BFSP1: variants seen among roughly 807,000 people sequenced by gnomAD.
BFSP1 encodes the protein beaded filament structural protein 1, also known as filensin.
BFSP1 carries 38 observed loss-of-function variants against 43.9 expected under a neutral mutation model. The observed-to-expected ratio is 0.87, with a 90% CI of 0.67 to 1.14. The LOEUF (loss-of-function observed/expected upper bound fraction) is 1.14, where lower values mean the gene tolerates loss of function less well. Ranked by LOEUF, BFSP1 falls within the 50% of genes most tolerant of loss-of-function variation. BFSP1 has a pLI of 0.00. For missense variants in BFSP1, 850 were observed against 875.1 expected, an observed-to-expected ratio of 0.97 and a Z score of 0.36; for synonymous variants, 352 against 354.8, an observed-to-expected ratio of 0.99 and a Z score of 0.09.
chr20:17,545,161 A>G (rs1226076996), intron 1 of BFSP1, among the ~76,000 whole-genome samples: 1 of 152,222 alleles, frequency 6.6e-6, no homozygotes, highest in African/African-American at 2.4e-5. Context: ...GCACAAGAGA[A>G]AAAGAGAATT....
chr20:17,509,119 AC>A (rs2034014709), intron 4 of BFSP1, 123 bp from the exon 5 acceptor site: 1 of 641,304 alleles, frequency 1.6e-6, no homozygotes, highest in East Asian at 3.3e-5. Flanking sequence ...TGAAGCCCTA[AC>A]TAACTCCCAA....
Position 17,498,916 on chromosome 20 carries a change from T to C in BFSP1, c.860A>G (p.Lys287Arg), listed in dbSNP as rs779506612. ...EIEETERVLE[K>R]SSYDCRQLAV... Reference sequence around the variant, plus strand: ...CAGCTGCCGGCAGTCGTAAGAAGACTTCTCCAGGACCCGCTCTGTCTCCTC... The same window carrying C: ...CAGCTGCCGGCAGTCGTAAGAAGACCTCTCCAGGACCCGCTCTGTCTCCTC... Residue 287 changes from lysine (K) to arginine (R), a missense_variant, in exon 6 of 8, where the codon AAG (lysine) becomes AGG (arginine). By Grantham distance (26) the Lys-to-Arg change is conservative. Coordinates refer to ENST00000377873, the MANE Select transcript of BFSP1 (RefSeq NM_001195.5). 133 of 1,614,060 alleles carry C rather than the reference T, an allele frequency of 8.2e-5. No individual in the cohort carries two copies. The highest frequency in any genetic ancestry group is 1.1e-4 in the Non-Finnish European group (129 of 1,180,040).
upstream of BFSP1, among the ~76,000 whole-genome samples, chr20:17,535,049 T>A (rs1172914698): frequency 6.6e-6 from 1 of 151,970 alleles, no homozygotes; most frequent in Non-Finnish European, 1.5e-5. Context: ...ATAAATGCAA[T>A]ATGGATCCTA....
chr20:17,560,852 A>G (rs2035060969), upstream of BFSP1: 1 of 152,096 alleles, frequency 6.6e-6, no homozygotes, highest in South Asian at 2.1e-4. Context: ...CAACCAGCCC[A>G]TTGCTGTCTG....
chr20:17,568,015 T>G (rs1448761822), intron 1 of BFSP1, among the ~76,000 whole-genome samples: 3 of 150,532 alleles, frequency 2.0e-5, no homozygotes, highest in Non-Finnish European at 4.4e-5. Context: ...AGTCTTCAGA[T>G]GCGAAGGGTG....
intron 1 of BFSP1, among the ~76,000 whole-genome samples, chr20:17,553,814 C>CATATATATATAT (rs1356594180): frequency 1.0e-5 from 1 of 100,076 alleles, no homozygotes; most frequent in African/African-American, 5.9e-5. Flanking sequence ...CACACACACA[C>CATATATATATAT]ACACACACAC....
At chr20:17,498,690 G>C in intron 6 of BFSP1, 130 bp downstream of exon 6, 1 of 1,071,186 alleles carries the variant, frequency 9.3e-7, no homozygotes, top group Non-Finnish European at 1.3e-6. Context: ...ACACCCATGG[G>C]GTCAGGAATT....
At chr20:17,568,813 A>G (rs540910720) in intron 1 of BFSP1, among the ~76,000 whole-genome samples, 8 of 150,612 alleles carry the variant, frequency 5.3e-5, no homozygotes, top group Non-Finnish European at 1.0e-4. Context: ...GGAAAAAAAA[A>G]TACTGACCAT....
upstream of BFSP1, among the ~76,000 whole-genome samples, chr20:17,535,350 GA>G (rs2034609344): frequency 6.6e-6 from 1 of 152,146 alleles, no homozygotes; most frequent in Non-Finnish European, 1.5e-5. Context: ...CCAACATGGT[GA>G]AACCCCATCT....
intron 5 of BFSP1, among the ~76,000 whole-genome samples, chr20:17,502,000 A>G (rs2033815319): frequency 1.3e-5 from 2 of 152,192 alleles, no homozygotes; most frequent in African/African-American, 4.8e-5. Context: ...TGGAGAGGAA[A>G]AGAAATGAAG....
At chr20:17,527,466 G>A (rs973790079) in intron 1 of BFSP1, among the ~76,000 whole-genome samples, 6 of 152,144 alleles carry the variant, frequency 3.9e-5, no homozygotes. Flanking sequence ...GGTGGCTCAC[G>A]CCTGTAATCC....
chr20:17,495,395 C>T lies in BFSP1; in HGVS notation c.1043-366G>A, dbSNP rs114244890. On this transcript the variant is annotated intron_variant, in intron 7 of 7. Transcript: ENST00000377873. Reference sequence around the variant, plus strand: ...AGCCCCTGTTCCCACTGCAGCCCCACTGAGCTCACAGCAGACACTTGGATC... The same window carrying T: ...AGCCCCTGTTCCCACTGCAGCCCCATTGAGCTCACAGCAGACACTTGGATC... Among the ~76,000 whole-genome samples, 537 of 152,360 alleles carry T rather than the reference C, an allele frequency of 3.5e-3. 5 individuals are homozygous for T. Among genetic ancestry groups the T allele is most frequent in the African/African-American group, 0.012 (510 of 41,588 alleles).
chr20:17,537,038 C>G (rs2034638280), intron 1 of BFSP1, among the ~76,000 whole-genome samples: 1 of 152,170 alleles, frequency 6.6e-6, no homozygotes, highest in African/African-American at 2.4e-5. Flanking sequence ...GAAGCCCTAG[C>G]AAACGAATAC....
upstream of BFSP1, among the ~76,000 whole-genome samples, chr20:17,559,241 A>G (rs909401958): frequency 6.6e-6 from 1 of 152,152 alleles, no homozygotes; most frequent in Non-Finnish European, 1.5e-5. Context: ...TTAAAAAACA[A>G]CAACAACAAC....
At chr20:17,534,447 C>G (rs1253753728), upstream of BFSP1, among the ~76,000 whole-genome samples, 1 of 152,176 alleles carries the variant, frequency 6.6e-6, no homozygotes, top group African/African-American at 2.4e-5. Flanking sequence ...CACATTTACA[C>G]CCACTATCTC....
At chr20:17,559,571 C>A (rs529097805), upstream of BFSP1, among the ~76,000 whole-genome samples, 5 of 152,278 alleles carry the variant, frequency 3.3e-5, no homozygotes, top group East Asian at 9.7e-4. Context: ...GAGCACGAGT[C>A]CCCACCCCTG....
At chr20:17,499,440 T>C (rs867580947) in intron 5 of BFSP1, among the ~76,000 whole-genome samples, 90 of 123,006 alleles carry the variant, frequency 7.3e-4, no homozygotes, top group African/African-American at 2.7e-3. Context: ...AGTGATAGGG[T>C]CCCACTTCGT....
At chr20:17,541,172 T>C (rs1439309314) in intron 1 of BFSP1, 1 of 803,654 alleles carries the variant, frequency 1.2e-6, no homozygotes, top group Admixed American at 6.3e-5. Context: ...CTGCACCCCA[T>C]TCTGGGCAAC....
At chr20:17,562,358 C>T (rs552330657), upstream of BFSP1, among the ~76,000 whole-genome samples, 10 of 151,498 alleles carry the variant, frequency 6.6e-5, no homozygotes, top group Middle Eastern at 3.4e-3. Flanking sequence ...AACCCCATCT[C>T]TACTAAAAAA....
Sources: gnomAD v4.1 joint callset for allele counts (sites outside exome capture counted in the v4.1 genomes callset) on GRCh38, gnomAD v4.1.1 for gene constraint, MANE v1.5 for transcripts, NCBI Gene and HGNC (gene_info 2026-07-23, HGNC 2026-07-21) for gene names.